Variants in DOCK7 observed in about 807,000 individuals in gnomAD.
DOCK7 encodes the protein dedicator of cytokinesis 7.
Under a neutral mutation model 271.0 loss-of-function variants are expected in DOCK7, and 138 were observed. That is an observed-to-expected ratio of 0.51 (90% CI 0.44 to 0.59). The LOEUF is 0.59. DOCK7 is among the 20% of genes least tolerant of loss of function. DOCK7 has a pLI of 0.00. For missense variants in DOCK7, 2,066 were observed against 2,592.4 expected (o/e 0.80, Z 4.41); for synonymous variants, 823 against 876.1 (o/e 0.94, Z 1.07).
chr1:62,510,510 T>A, intron 34 of DOCK7, 67 bp downstream of exon 34: 1 of 1,188,028 alleles, frequency 8.4e-7, no homozygotes. Context: ...GTAAAAGTTA[T>A]CATTTTCCTC....
At chr1:62,563,467 A>G (rs1047311393) in intron 18 of DOCK7, among the ~76,000 whole-genome samples, 1 of 152,208 alleles carries the variant, frequency 6.6e-6, no homozygotes, top group East Asian at 1.9e-4. Context: ...TATCATTAAA[A>G]ATGTTTCAAA....
At chr1:62,604,882 T>G in intron 14 of DOCK7, 981 of 1,489,662 alleles carry the variant, frequency 6.6e-4, no homozygotes, top group Non-Finnish European at 8.4e-4. Flanking sequence ...TGTGGTCTAA[T>G]AATCTGGTAT....
chr1:62,508,056 G>T lies in DOCK7; in HGVS notation c.4382C>A (p.Ser1461Ter). 1 of 1,598,746 alleles carries T rather than the reference G, an allele frequency of 6.3e-7. No homozygotes were observed. The highest frequency in any genetic ancestry group is 1.2e-5 in the South Asian group (1 of 86,880). Reference protein sequence around the residue: ...WRQNTEKLDKSRAEIEHEALI... With the variant: ...WRQNTEKLDK ...TGCTTCGTGTTCAATCTCTGCTCTTGATCTAATACAAAATATTGTAAGAAA... is the reference window on the plus strand; with the variant it reads ...TGCTTCGTGTTCAATCTCTGCTCTTTATCTAATACAAAATATTGTAAGAAA... The change falls in exon 35 of 50, where the codon TCA (serine) becomes TAA (stop). Residue 1461 changes from serine to a stop codon, truncating the protein, a stop_gained and splice_region_variant. Transcript: ENST00000635253. LOFTEE classifies it high-confidence loss of function.
chr1:62,660,465 A>T (rs868206018), intron 2 of DOCK7, among the ~76,000 whole-genome samples: 28 of 152,344 alleles, frequency 1.8e-4, no homozygotes, highest in Non-Finnish European at 2.2e-4. Flanking sequence ...TATTATTTTT[A>T]AAATGGTTAA....
chr1:62,576,608 G>A (rs984436293), intron 18 of DOCK7, among the ~76,000 whole-genome samples: 1 of 152,162 alleles, frequency 6.6e-6, no homozygotes. Flanking sequence ...TTCACAAAAC[G>A]TATTTTAGAG....
intron 31 of DOCK7, 43 bp from the exon 32 acceptor site, chr1:62,513,941 C>A: frequency 6.6e-7 from 1 of 1,522,518 alleles, no homozygotes; most frequent in South Asian, 1.3e-5. Context: ...TGATCAAAGA[C>A]CATTTCTTGT....
At chr1:62,544,507 G>A (rs1000792551) in intron 23 of DOCK7, among the ~76,000 whole-genome samples, 14 of 152,022 alleles carry the variant, frequency 9.2e-5, no homozygotes, top group African/African-American at 2.9e-4. Context: ...CTTTCTATTC[G>A]GTGATTAGGA....
intron 14 of DOCK7, among the ~76,000 whole-genome samples, chr1:62,615,254 T>C (rs1268463773): frequency 6.6e-6 from 1 of 151,872 alleles, no homozygotes; most frequent in East Asian, 1.9e-4. Flanking sequence ...GTAATCACAA[T>C]TCTACTTCTG....
chr1:62,529,531 G>A (rs1010356074), intron 29 of DOCK7, 85 bp from the exon 30 acceptor site: 63 of 1,049,770 alleles, frequency 6.0e-5, no homozygotes, highest in Non-Finnish European at 8.0e-5. Context: ...AGTAAGTCAT[G>A]GTATTGAATA....
chr1:62,603,885 G>A (rs980304743), intron 14 of DOCK7: 12 of 1,295,362 alleles, frequency 9.3e-6, no homozygotes, highest in Non-Finnish European at 1.2e-5. Context: ...TCAATTAGTT[G>A]CACCAATAAA....
intron 8 of DOCK7, among the ~76,000 whole-genome samples, chr1:62,636,120 C>T (rs1446251111): frequency 2.0e-5 from 3 of 151,962 alleles, no homozygotes; most frequent in South Asian, 4.1e-4. Flanking sequence ...GGCGTAGTGG[C>T]GGGCGCCTGT....
At position 62,555,920 on chromosome 1, in the gene DOCK7, C is replaced by T; in HGVS notation, c.2501G>A (p.Gly834Glu). Residue 834 changes from glycine to glutamate, a missense_variant, in exon 21 of 50, where the codon GGA (glycine) becomes GAA (glutamate). Transcript: ENST00000635253. ...IINRLHKNLE[G>E]NHDQHGRNSL... ...GTTTCTGCCATGCTGGTCATGATTT[C>T]CTTCCAAGTTTTTGTGAAGTCGATT... The T allele has an allele frequency of 6.2e-7, 1 of 1,613,872 alleles. No individual in the cohort carries two copies. Among genetic ancestry groups the T allele is most frequent in the Non-Finnish European group, 8.5e-7 (1 of 1,179,902 alleles).
At chr1:62,469,401 AC>A (rs1157903549) in intron 48 of DOCK7, among the ~76,000 whole-genome samples, 1 of 152,220 alleles carries the variant, frequency 6.6e-6, no homozygotes, top group East Asian at 1.9e-4. Context: ...CTCATCTCCC[AC>A]CTTATACAAA....
chr1:62,496,784 A>T (rs978488620), intron 37 of DOCK7, among the ~76,000 whole-genome samples: 3 of 152,174 alleles, frequency 2.0e-5, no homozygotes, highest in Admixed American at 2.0e-4. Context: ...GGCATATGTT[A>T]TTAATATAAC....
chr1:62,535,635 G>C lies in DOCK7; in HGVS notation c.3472-3C>G. 6.2e-7 allele frequency: 1 copy of C among 1,612,544 alleles called. No individual in the cohort carries two copies. The highest frequency in any genetic ancestry group is 8.5e-7 in the Non-Finnish European group (1 of 1,179,206). On this transcript the variant is annotated splice_polypyrimidine_tract_variant and splice_region_variant and intron_variant, in intron 28 of 49. Transcript: ENST00000635253. ...ACATTCGTAGAAAATCCAGAACTCT[G>C]TTGGAAAGTGAGGCAGAACAAGACT...
intron 18 of DOCK7, among the ~76,000 whole-genome samples, chr1:62,570,364 C>T (rs1646730413): frequency 6.6e-6 from 1 of 152,144 alleles, no homozygotes. Flanking sequence ...AGGACCTCTT[C>T]AAGGAGAACT....
intron 35 of DOCK7, among the ~76,000 whole-genome samples, chr1:62,507,326 T>C (rs1160189745): frequency 6.6e-6 from 1 of 152,220 alleles, no homozygotes; most frequent in African/African-American, 2.4e-5. Context: ...CTGGCTCTTC[T>C]ACATACTAGC....
intron 44 of DOCK7, chr1:62,477,148 T>C (rs1477477750): frequency 6.6e-6 from 1 of 152,112 alleles, no homozygotes; most frequent in Admixed American, 6.6e-5. Context: ...TAGAGAAAGG[T>C]TGGAAAGAAT....
At chr1:62,674,919 C>G (rs1006789135) in intron 1 of DOCK7, among the ~76,000 whole-genome samples, 1 of 151,978 alleles carries the variant, frequency 6.6e-6, no homozygotes, top group Non-Finnish European at 1.5e-5. Context: ...ACACCAAAAT[C>G]CTGATGCATA....
Sources: allele counts gnomAD v4.1 joint callset (sites outside exome capture counted in the v4.1 genomes callset), GRCh38; gene constraint gnomAD v4.1.1; transcripts MANE v1.5; gene names NCBI Gene and HGNC (gene_info 2026-07-23, HGNC 2026-07-21).